The following SAAL1 variants were observed in gnomAD, a reference collection of about 807,000 sequenced individuals.
SAAL1 encodes protein SAAL1.
SAAL1 carries 42 observed loss-of-function variants against 59.8 expected under a neutral mutation model. The ratio of observed to expected loss-of-function variants is 0.70; its 90% CI spans 0.55 to 0.91. SAAL1 has a LOEUF of 0.91. SAAL1 is among the 40% of genes least tolerant of loss of function. The probability of loss-of-function intolerance (pLI) is 0.00; values close to 1 mark genes in which losing one functional copy is unlikely to be tolerated. For synonymous variants in SAAL1, 191 were observed against 194.3 expected, an observed-to-expected ratio of 0.98 and a Z score of 0.14; for missense variants, 542 against 561.1, an observed-to-expected ratio of 0.97 and a Z score of 0.34.
chr11:18,105,009 G>C (rs1179228127), intron 1 of SAAL1, among the ~76,000 whole-genome samples: 5 of 152,020 alleles, frequency 3.3e-5, no homozygotes, highest in African/African-American at 4.8e-5. Flanking sequence ...CCTCCTATAA[G>C]CCAAACACCA....
At chr11:18,083,782 T>C in intron 9 of SAAL1, 51 bp from the exon 10 acceptor site, 1 of 1,250,700 alleles carries the variant, frequency 8.0e-7, no homozygotes, top group Non-Finnish European at 1.1e-6. Context: ...GTTTGGTTTT[T>C]CATTCATATG....
chr11:18,103,087 G>A, intron 2 of SAAL1, 146 bp downstream of exon 2: 1 of 620,562 alleles, frequency 1.6e-6, no homozygotes, highest in Middle Eastern at 2.5e-4. Flanking sequence ...TAGCCCCTGG[G>A]ATCTCATTCC....
intron 11 of SAAL1, among the ~76,000 whole-genome samples, chr11:18,081,040 A>ATTGTTATAATAC: frequency 6.6e-6 from 1 of 152,078 alleles, no homozygotes; most frequent in African/African-American, 2.4e-5. Flanking sequence ...GGTTTGTTAT[A>ATTGTTATAATAC]AAGGTATATT....
At chr11:18,100,940 CAATTA>C (rs1356937870) in intron 2 of SAAL1, among the ~76,000 whole-genome samples, 1 of 151,992 alleles carries the variant, frequency 6.6e-6, no homozygotes, top group African/African-American at 2.4e-5. Flanking sequence ...GAAAACAACA[CAATTA>C]AAAAGCAGGC....
chr11:18,105,553 ATAAAT>A (rs1168864989), intron 1 of SAAL1, among the ~76,000 whole-genome samples: 1 of 152,160 alleles, frequency 6.6e-6, no homozygotes, highest in Non-Finnish European at 1.5e-5. Flanking sequence ...CATGAAATAC[ATAAAT>A]TAAGGACCTG....
At position 18,083,352 on chromosome 11, in the gene SAAL1, C is replaced by T. The variant is rs141109255; in HGVS notation, c.1239+183G>A. 920 of 460,620 alleles carry T rather than the reference C, an allele frequency of 2.0e-3. 6 individuals are homozygous for T. The highest frequency in any genetic ancestry group is 0.016 in the African/African-American group (800 of 51,384). 28.5% of individuals were successfully genotyped at this position (460,620 alleles called of 1,614,324 possible). On this transcript the variant is annotated intron_variant, in intron 10 of 11. Transcript: ENST00000524803. ...CAAACATAGGCATATGTCTGTCACACGTAAATATACCAAACCACATCAGCT... is the reference window on the plus strand; with the variant it reads ...CAAACATAGGCATATGTCTGTCACATGTAAATATACCAAACCACATCAGCT...
intron 4 of SAAL1, among the ~76,000 whole-genome samples, chr11:18,091,612 T>A (rs940395484): frequency 2.0e-5 from 3 of 152,272 alleles, no homozygotes; most frequent in Middle Eastern, 3.4e-3. Flanking sequence ...TTCTTTGAGA[T>A]TCTGATTAAA....
chr11:18,080,543 T>C, intron 11 of SAAL1, 52 bp from the exon 12 acceptor site: 1 of 1,227,594 alleles, frequency 8.1e-7, no homozygotes, highest in Non-Finnish European at 1.2e-6. Flanking sequence ...AAAAACGTGC[T>C]TTAAGGTACT....
intron 10 of SAAL1, 188 bp from the exon 11 acceptor site, chr11:18,081,691 A>T: frequency 3.5e-6 from 2 of 577,292 alleles, no homozygotes; most frequent in South Asian, 4.3e-5. Flanking sequence ...TCTTTACTTT[A>T]GTGAAGGGCA....
At chr11:18,089,627 C>A in intron 6 of SAAL1, 117 bp from the exon 7 acceptor site, 1 of 791,724 alleles carries the variant, frequency 1.3e-6, no homozygotes, top group South Asian at 2.0e-5. Flanking sequence ...AGTACTTATT[C>A]TAAAGGGTGA....
chr11:18,097,636 G>C (rs1217985192), intron 2 of SAAL1, among the ~76,000 whole-genome samples: 2 of 151,990 alleles, frequency 1.3e-5, no homozygotes, highest in African/African-American at 4.8e-5. Flanking sequence ...TGGATTACTT[G>C]AGCCCAGCTT....
intron 7 of SAAL1, among the ~76,000 whole-genome samples, chr11:18,087,703 C>T (rs898182990): frequency 6.6e-6 from 1 of 152,192 alleles, no homozygotes; most frequent in African/African-American, 2.4e-5. Context: ...TATGATCAAC[C>T]GTTTGGATTC....
chr11:18,103,419 G>A (rs1157481990), intron 1 of SAAL1, 73 bp from the exon 2 acceptor site: 11 of 1,085,272 alleles, frequency 1.0e-5, no homozygotes, highest in African/African-American at 1.6e-5. Flanking sequence ...AAATACAGCA[G>A]GTGATCAAAT....
chr11:18,098,115 C>T (rs1564872670), intron 2 of SAAL1, among the ~76,000 whole-genome samples: 1 of 152,166 alleles, frequency 6.6e-6, no homozygotes, highest in Non-Finnish European at 1.5e-5. Flanking sequence ...CCACTGCACT[C>T]TAGCCTGGGC....
intron 4 of SAAL1, among the ~76,000 whole-genome samples, chr11:18,091,224 T>G (rs1335679351): frequency 6.7e-6 from 1 of 149,648 alleles, no homozygotes; most frequent in African/African-American, 2.5e-5. Context: ...AGCACATGCA[T>G]ATGTTCCAAC....
chr11:18,091,389 G>A (rs888423929), intron 4 of SAAL1, among the ~76,000 whole-genome samples: 2 of 152,154 alleles, frequency 1.3e-5, no homozygotes, highest in Non-Finnish European at 2.9e-5. Context: ...GAACATTAGA[G>A]ACCAAACATA....
intron 1 of SAAL1, among the ~76,000 whole-genome samples, chr11:18,105,280 A>C (rs1475404296): frequency 6.7e-6 from 1 of 150,264 alleles, no homozygotes; most frequent in East Asian, 2.0e-4. Flanking sequence ...GCGATCCTCC[A>C]GCCTCAGCCT....
chr11:18,096,567 T>C (rs1452109014), intron 3 of SAAL1, among the ~76,000 whole-genome samples: 2 of 151,928 alleles, frequency 1.3e-5, no homozygotes, highest in Admixed American at 6.6e-5. Flanking sequence ...CCTGGAGACA[T>C]AGTGAGACCC....
intron 1 of SAAL1, among the ~76,000 whole-genome samples, chr11:18,104,608 G>A (rs904774571): frequency 1.3e-5 from 2 of 152,076 alleles, no homozygotes; most frequent in African/African-American, 4.8e-5. Flanking sequence ...CTTCCCTTAG[G>A]TGCTGATATT....
Sources: allele counts gnomAD v4.1 joint callset (sites outside exome capture counted in the v4.1 genomes callset), GRCh38; gene constraint gnomAD v4.1.1; transcripts MANE v1.5; gene names NCBI Gene and HGNC (gene_info 2026-07-23, HGNC 2026-07-21).